PCSK5: variants seen among roughly 807,000 people sequenced by gnomAD.
PCSK5 encodes prohormone convertase 5.
PCSK5 carries 129 observed loss-of-function variants against 233.2 expected under a neutral mutation model. The observed-to-expected ratio is 0.55, with a 90% CI of 0.48 to 0.64. The LOEUF (loss-of-function observed/expected upper bound fraction) is 0.64, where lower values mean the gene tolerates loss of function less well. PCSK5 is among the 30% of genes least tolerant of loss of function. The pLI is 0.00. For missense variants in PCSK5, 2,076 were observed against 2,430.1 expected, an observed-to-expected ratio of 0.85 and a Z score of 3.06; for synonymous variants, 825 against 879.2, an observed-to-expected ratio of 0.94 and a Z score of 1.09.
chr9:76,196,037 A>G (rs1824683612), intron 20 of PCSK5: 2 of 152,204 alleles, frequency 1.3e-5, no homozygotes, highest in African/African-American at 4.8e-5. Context: ...GAGTGAGCAG[A>G]GGAGGGAATT....
At chr9:76,280,464 G>A (rs574919218) in intron 24 of PCSK5, among the ~76,000 whole-genome samples, 10 of 152,102 alleles carry the variant, frequency 6.6e-5, no homozygotes, top group South Asian at 2.1e-4. Context: ...AGGTAGGGCC[G>A]GACACGGTGG....
intron 20 of PCSK5, chr9:76,194,817 A>C: frequency 2.2e-6 from 1 of 449,770 alleles, no homozygotes; most frequent in South Asian, 1.7e-5. Context: ...CATTTGCTTT[A>C]CAAGTGACCA....
chr9:76,294,580 G>A (rs192509954), intron 25 of PCSK5, among the ~76,000 whole-genome samples: 50 of 152,182 alleles, frequency 3.3e-4, no homozygotes, highest in Middle Eastern at 6.8e-3. Flanking sequence ...AGCTAGCTCT[G>A]TGATTTTTGA....
At chr9:76,193,530 G>GAACTT (rs1824529640) in intron 20 of PCSK5, 3 of 515,492 alleles carry the variant, frequency 5.8e-6, no homozygotes, top group African/African-American at 2.0e-5. Context: ...TGTTTTGTCA[G>GAACTT]AACTTAAATG....
At chr9:76,158,401 G>C (rs1822698919) in intron 11 of PCSK5, among the ~76,000 whole-genome samples, 1 of 152,196 alleles carries the variant, frequency 6.6e-6, no homozygotes, top group South Asian at 2.1e-4. Flanking sequence ...AATTATCCCA[G>C]AGGTTGAACC....
At chr9:76,065,310 C>T (rs1830246907) in intron 5 of PCSK5, among the ~76,000 whole-genome samples, 1 of 152,144 alleles carries the variant, frequency 6.6e-6, no homozygotes, top group Admixed American at 6.5e-5. Flanking sequence ...TTTCTTCGAT[C>T]TGTTTTTTAT....
intron 3 of PCSK5, among the ~76,000 whole-genome samples, chr9:76,021,188 G>A (rs1224405212): frequency 1.3e-5 from 2 of 152,124 alleles, no homozygotes; most frequent in African/African-American, 4.8e-5. Context: ...AAATCCTAGG[G>A]CAGACTTAGT....
intron 20 of PCSK5, among the ~76,000 whole-genome samples, chr9:76,190,057 C>T (rs146835736): frequency 1.3e-5 from 2 of 152,150 alleles, no homozygotes; most frequent in East Asian, 3.9e-4. Context: ...AGAAATTTCC[C>T]ATATACCCCG....
chr9:76,141,035 T>G (rs1823196708), intron 10 of PCSK5, among the ~76,000 whole-genome samples: 1 of 152,158 alleles, frequency 6.6e-6, no homozygotes, highest in African/African-American at 2.4e-5. Context: ...CTTTGACTAT[T>G]CTTAATAACA....
intron 9 of PCSK5, among the ~76,000 whole-genome samples, chr9:76,112,226 C>T (rs1832247986): frequency 6.6e-6 from 1 of 152,146 alleles, no homozygotes; most frequent in South Asian, 2.1e-4. Context: ...ATAAAGGGGA[C>T]TGAGTCAGGT....
intron 2 of PCSK5, among the ~76,000 whole-genome samples, chr9:75,975,059 A>C (rs1825958427): frequency 6.6e-6 from 1 of 152,226 alleles, no homozygotes; most frequent in African/African-American, 2.4e-5. Flanking sequence ...AGATTTAAAA[A>C]ACATAGAACT....
chr9:75,957,031 A>C (rs2131336059), intron 2 of PCSK5, among the ~76,000 whole-genome samples: 1 of 152,266 alleles, frequency 6.6e-6, no homozygotes, highest in Non-Finnish European at 1.5e-5. Flanking sequence ...AATTCATAGA[A>C]GAGCCTTACC....
chr9:76,003,235 C>A (rs1201976914), intron 3 of PCSK5, among the ~76,000 whole-genome samples: 1 of 152,160 alleles, frequency 6.6e-6, no homozygotes, highest in Admixed American at 6.5e-5. Context: ...ATGAAAAGCC[C>A]TCACCTGACA....
intron 35 of PCSK5, among the ~76,000 whole-genome samples, chr9:76,345,751 G>A (rs1343427692): frequency 3.3e-5 from 5 of 149,480 alleles, no homozygotes; most frequent in Non-Finnish European, 7.4e-5. Context: ...ACAGAGTCTC[G>A]CTTTGTTGCC....
At chr9:76,056,918 T>G (rs1424483644) in intron 5 of PCSK5, among the ~76,000 whole-genome samples, 3 of 152,186 alleles carry the variant, frequency 2.0e-5, no homozygotes, top group African/African-American at 7.2e-5. Context: ...CTTCTGGAAG[T>G]CTAGGAAAAT....
At chr9:75,984,452 T>A (rs1478236041) in intron 2 of PCSK5, among the ~76,000 whole-genome samples, 2 of 152,194 alleles carry the variant, frequency 1.3e-5, no homozygotes, top group African/African-American at 4.8e-5. Context: ...AATATAGGAT[T>A]AGTTTTGAAA....
chr9:76,036,355 A>G (rs1246162573), intron 5 of PCSK5, among the ~76,000 whole-genome samples: 1 of 152,200 alleles, frequency 6.6e-6, no homozygotes, highest in East Asian at 1.9e-4. Context: ...GTGGAAAGGA[A>G]GAAAGTATGT....
intron 1 of PCSK5, among the ~76,000 whole-genome samples, chr9:75,895,652 G>GGATAA (rs1425406884): frequency 1.3e-5 from 2 of 152,176 alleles, no homozygotes; most frequent in Non-Finnish European, 2.9e-5. Flanking sequence ...AAATGTTACA[G>GGATAA]GATAAGCATA....
chr9:76,323,455 C>T (rs1211897992), intron 32 of PCSK5, among the ~76,000 whole-genome samples, 167 bp downstream of exon 32: 2 of 152,280 alleles, frequency 1.3e-5, no homozygotes, highest in Admixed American at 1.3e-4. Context: ...ACGAACATGG[C>T]TCACTGAAGC....
Sources: allele counts gnomAD v4.1 joint callset (sites outside exome capture counted in the v4.1 genomes callset), GRCh38; gene constraint gnomAD v4.1.1; transcripts MANE v1.5; gene names NCBI Gene and HGNC (gene_info 2026-07-23, HGNC 2026-07-21).